GET3: variants seen among roughly 807,000 people sequenced by gnomAD.
GET3 encodes guided entry of tail-anchored proteins factor 3, ATPase.
GET3 carries 15 observed loss-of-function variants against 32.4 expected under a neutral mutation model. That is an observed-to-expected ratio of 0.46 (90% CI 0.31 to 0.71). The LOEUF (loss-of-function observed/expected upper bound fraction) is 0.71. GET3 is among the 30% of genes least tolerant of loss of function. GET3 has a pLI of 0.05. For missense variants in GET3, 333 were observed against 459.0 expected, an observed-to-expected ratio of 0.73 and a Z score of 2.51; for synonymous variants, 198 against 185.6, an observed-to-expected ratio of 1.07 and a Z score of -0.54.
At position 12,737,805 on chromosome 19, in the gene GET3, C is replaced by T. The variant is rs537632305; in HGVS notation, c.161+139C>T. 5.0e-5 allele frequency: 60 copies of T among 1,190,492 alleles called. 1 individual carries two copies. In the East Asian group the frequency reaches 1.7e-3, roughly 33 times the overall value. 73.7% of individuals were successfully genotyped at this position (1,190,492 alleles called of 1,614,324 possible). A position where few individuals can be genotyped will look rare whatever the true frequency, so the allele number is the denominator to read the frequency against. ...TTGGGTTTCACTCTCTGGAAGTTAC[C>T]TGGAGCAAATGAGAAAGACCTCAAT... On this transcript the variant is annotated intron_variant, in intron 1 of 6. Coordinates refer to ENST00000357332, the MANE Select transcript of GET3 (RefSeq NM_004317.4).
Position 12,745,904 on chromosome 19 carries a change from A to G in GET3, c.609+145A>G. ...TGGACTTCTCCCTGGAGGGGATGGG[A>G]CGGAGCTGTCTTTCCTCCCCCACAG... On this transcript the variant is annotated intron_variant, in intron 4 of 6. Coordinates refer to ENST00000357332, the MANE Select transcript of GET3 (RefSeq NM_004317.4). The surrounding 1 kb of genome is among the most constrained non-coding windows in gnomAD (Gnocchi z 5.0). 1 of 1,206,260 alleles carries G rather than the reference A, an allele frequency of 8.3e-7. No individual in the cohort carries two copies. Among genetic ancestry groups the G allele is most frequent in the South Asian group, 1.6e-5 (1 of 63,482 alleles). The allele number at this position is 1,206,260 out of a possible 1,614,324, so 74.7% of individuals were successfully genotyped here. A position where few individuals can be genotyped will look rare whatever the true frequency, so the allele number is the denominator to read the frequency against.
intron 2 of GET3, 57 bp downstream of exon 2, chr19:12,738,715 T>C (rs1469103830): frequency 1.2e-6 from 2 of 1,608,572 alleles, no homozygotes; most frequent in African/African-American, 1.3e-5. Context: ...CAGCCTTTCT[T>C]GTGCGCACAC....
rs775384140 is a variant in GET3 at position 12,747,167 on chromosome 19, G to T, written c.610-30G>T. 15 of 1,555,612 alleles carry T rather than the reference G, an allele frequency of 9.6e-6. No individual in the cohort carries two copies. The highest frequency in any genetic ancestry group is 4.2e-4 in the Middle Eastern group (2 of 4,776). ...CAACCCAGGAGGTCGCCGCAGGTAAGCTATGAGCCCTCCCACATCCCCCCT... is the reference window on the plus strand; with the variant it reads ...CAACCCAGGAGGTCGCCGCAGGTAATCTATGAGCCCTCCCACATCCCCCCT... On this transcript the variant is annotated intron_variant, in intron 4 of 6. Coordinates refer to ENST00000357332, the MANE Select transcript of GET3 (RefSeq NM_004317.4). This position sits in a 1 kb window ranked among gnomAD's most constrained non-coding sequence, Gnocchi z 4.0.
At chr19:12,743,959 A>G (rs1967721355) in intron 2 of GET3, among the ~76,000 whole-genome samples, 2 of 145,938 alleles carry the variant, frequency 1.4e-5, no homozygotes, top group South Asian at 4.4e-4. Flanking sequence ...TCGATCTCCT[A>G]ACCTCAGGTG....
In GET3 at chr19:12,737,571, G is replaced by T. The variant is rs1221211502; in HGVS notation, c.66G>T (p.Glu22Asp). 1 of 1,610,558 alleles carries T rather than the reference G, an allele frequency of 6.2e-7. No individual in the cohort carries two copies. Residue 22 changes from glutamate to aspartate, a missense_variant, in exon 1 of 7, where the codon GAG (glutamate) becomes GAT (aspartate). This residue lies in a region of GET3 where 64 missense variants were observed against 36.7 expected (regional missense o/e 1.74). Transcript: ENST00000357332. ...AGTTCGAAGATGCTCCTGATGTGGA[G>T]CCGCTGGAGCCTACACTTAGCAACA... ...AEEFEDAPDV[E>D]PLEPTLSNII... is the part of the protein sequence containing the mutation.
rs1469585389 is a variant in GET3, at chr19:12,747,179, C to T, written c.610-18C>T. 1.3e-6 allele frequency: 2 copies of T among 1,568,772 alleles called. No homozygotes were observed. The highest frequency in any genetic ancestry group is 3.7e-5 in the Admixed American group (2 of 54,282). ...TCGCCGCAGGTAAGCTATGAGCCCT[C>T]CCACATCCCCCCTGCAGATGTGCAA... On this transcript the variant is annotated intron_variant, in intron 4 of 6. Coordinates refer to ENST00000357332, the MANE Select transcript of GET3 (RefSeq NM_004317.4). This position sits in a 1 kb window ranked among gnomAD's most constrained non-coding sequence, Gnocchi z 4.0.
At position 12,738,645 on chromosome 19, in the gene GET3, A is replaced by G; in HGVS notation, c.296A>G (p.Asn99Ser). The G allele has an allele frequency of 6.2e-7, 1 of 1,614,122 alleles. No individual in the cohort carries two copies. The highest frequency in any genetic ancestry group is 8.5e-7 in the Non-Finnish European group (1 of 1,180,024). Residue 99 changes from asparagine to serine, a missense_variant, in exon 2 of 7, where the codon AAC becomes AGC. Physicochemically the swap from Asn to Ser is conservative, Grantham distance 46. Around this residue, in one of 3 missense-constraint regions of GET3, gnomAD observed 230 missense variants for 389.2 expected, o/e 0.59. Coordinates refer to ENST00000357332, the MANE Select transcript of GET3 (RefSeq NM_004317.4). Reference sequence around the variant, plus strand: ...CCTACCAAGGTCAAAGGCTATGACAACCTCTTTGCTATGGTGAGTGGAACA... The same window carrying G: ...CCTACCAAGGTCAAAGGCTATGACAGCCTCTTTGCTATGGTGAGTGGAACA... ...KVPTKVKGYDNLFAMEIDPSL... is the reference protein window; with the variant it reads ...KVPTKVKGYDSLFAMEIDPSL...
In GET3 at chr19:12,738,820, G is replaced by T. The variant is rs1371637946; in HGVS notation, c.309+162G>T. On this transcript the variant is annotated intron_variant, in intron 2 of 6. Coordinates refer to ENST00000357332, the MANE Select transcript of GET3 (RefSeq NM_004317.4). Reference sequence around the variant, plus strand: ...CTCACAAGGGAACCAATGAGGAATTGCAGAGCAGGAAGCACACCAGAGTGC... The same window carrying T: ...CTCACAAGGGAACCAATGAGGAATTTCAGAGCAGGAAGCACACCAGAGTGC... 2.0e-5 allele frequency among the ~76,000 whole-genome samples: 3 copies of T among 152,310 alleles called. No individual in the cohort carries two copies. In the East Asian group the frequency reaches 5.8e-4, roughly 29 times the overall value.
chr19:12,744,411 C>T (rs1245372107), intron 2 of GET3, among the ~76,000 whole-genome samples: 3 of 151,846 alleles, frequency 2.0e-5, no homozygotes, highest in Non-Finnish European at 4.4e-5. Flanking sequence ...CCTCTGCCTC[C>T]CGGGTTCAAG....
intron 2 of GET3, among the ~76,000 whole-genome samples, chr19:12,741,849 G>A (rs1284759082): frequency 1.3e-5 from 2 of 152,050 alleles, no homozygotes; most frequent in African/African-American, 4.8e-5. Context: ...AACCTGGGAG[G>A]CGGAGGTCAC....
At chr19:12,744,668 T>C (rs903001543) in intron 2 of GET3, among the ~76,000 whole-genome samples, 1 of 152,192 alleles carries the variant, frequency 6.6e-6, no homozygotes, top group African/African-American at 2.4e-5. Flanking sequence ...CTGTTCATGC[T>C]AAGCGCTAAG....
chr19:12,747,616 G>C lies in GET3; in HGVS notation c.915+24G>C. On this transcript the variant is annotated intron_variant, in intron 6 of 6. Coordinates refer to ENST00000357332, the MANE Select transcript of GET3 (RefSeq NM_004317.4). The surrounding 1 kb of genome is among the most constrained non-coding windows in gnomAD (Gnocchi z 4.0). Reference sequence around the variant, plus strand: ...AGGTGTGCCCACCCACCCAGCACTGGCTCAGCAGAGGCACCTCTGCCCCTT... The same window carrying C: ...AGGTGTGCCCACCCACCCAGCACTGCCTCAGCAGAGGCACCTCTGCCCCTT... The C allele has an allele frequency of 6.2e-7, 1 of 1,607,254 alleles. No homozygotes were observed. The highest frequency in any genetic ancestry group is 8.5e-7 in the Non-Finnish European group (1 of 1,177,762).
chr19:12,745,602 C>T lies in GET3; in HGVS notation c.459-7C>T, dbSNP rs751509753. 7.4e-6 allele frequency: 12 copies of T among 1,612,532 alleles called. No individual in the cohort carries two copies. Among genetic ancestry groups the T allele is most frequent in the East Asian group, 2.2e-5 (1 of 44,848 alleles). The stretch of plus-strand genomic sequence containing the variant: ...ACACAGAGGGCCTGACCCCTGTCTC[C>T]CCTCAGGCTGGTGAAGGGCATGAAC... On this transcript the variant is annotated splice_polypyrimidine_tract_variant and splice_region_variant and intron_variant, in intron 3 of 6. Coordinates refer to ENST00000357332, the MANE Select transcript of GET3 (RefSeq NM_004317.4). This position sits in a 1 kb window ranked among gnomAD's most constrained non-coding sequence, Gnocchi z 5.0.
chr19:12,747,888 A>G lies in GET3; in HGVS notation c.916-85A>G. The G allele has an allele frequency of 2.8e-6, 4 of 1,410,160 alleles. No homozygotes were observed. The highest frequency in any genetic ancestry group is 3.9e-6 in the Non-Finnish European group (4 of 1,034,842). 87.4% of individuals were successfully genotyped at this position (1,410,160 alleles called of 1,614,324 possible). The stretch of plus-strand genomic sequence containing the variant: ...CTCTCCCTGACTCTGGAAGCTTTCT[A>G]GCTTTACCGCTTCTATTGATCCACA... On this transcript the variant is annotated intron_variant, in intron 6 of 6. Coordinates refer to ENST00000357332, the MANE Select transcript of GET3 (RefSeq NM_004317.4). This position sits in a 1 kb window ranked among gnomAD's most constrained non-coding sequence, Gnocchi z 4.0.
chr19:12,742,439 G>A (rs1967689186), intron 2 of GET3, among the ~76,000 whole-genome samples: 1 of 151,504 alleles, frequency 6.6e-6, no homozygotes, highest in Non-Finnish European at 1.5e-5. Flanking sequence ...TTTTGAGACG[G>A]AGTCTTATTC....
chr19:12,739,417 C>A (rs8177474), intron 2 of GET3, among the ~76,000 whole-genome samples: 277 of 152,234 alleles, frequency 1.8e-3, no homozygotes, highest in Middle Eastern at 3.4e-3. Context: ...CTGACTGCCT[C>A]GGCCTCCCAC....
chr19:12,742,717 A>AT (rs930650295), intron 2 of GET3, among the ~76,000 whole-genome samples: 15 of 150,578 alleles, frequency 1.0e-4, no homozygotes, highest in South Asian at 2.1e-4. Flanking sequence ...CCTGGCCTGT[A>AT]TTTTTTTTTA....
intron 4 of GET3, among the ~76,000 whole-genome samples, chr19:12,746,874 G>A (rs545864561): frequency 2.6e-5 from 4 of 152,194 alleles, no homozygotes; most frequent in African/African-American, 7.2e-5. Context: ...GCCGGGCATG[G>A]TGGTGCGCGC....
chr19:12,740,688 AAAAAT>A lies in GET3; in HGVS notation c.309+2044_309+2048del, dbSNP rs368272602. Among the ~76,000 whole-genome samples, 285 of 152,310 alleles carry A rather than the reference AAAAAT, an allele frequency of 1.9e-3. 2 individuals are homozygous for A. The highest frequency in any genetic ancestry group is 6.4e-3 in the African/African-American group (265 of 41,564). ...CGAGACTCAACAAAAAATAATAAAT[AAAAAT>A]AAAATAAAATAAAGAGATGCTGCAG... On this transcript the variant is annotated intron_variant, in intron 2 of 6. Transcript: ENST00000357332.
Sources: gnomAD v4.1 joint callset for allele counts (sites outside exome capture counted in the v4.1 genomes callset) on GRCh38, gnomAD v4.1.1 for gene constraint, gnomAD v4.1.1 regional missense constraint, Gnocchi (gnomAD v3.1) non-coding constraint, MANE v1.5 for transcripts, NCBI Gene and HGNC (gene_info 2026-07-23, HGNC 2026-07-21) for gene names.